RPAP2: variants seen among roughly 807,000 people sequenced by gnomAD.
RPAP2 encodes the protein putative RNA polymerase II subunit B1 CTD phosphatase RPAP2.
Under a neutral mutation model 73.1 loss-of-function variants are expected in RPAP2, and 52 were observed. The ratio of observed to expected loss-of-function variants is 0.71; its 90% CI spans 0.57 to 0.90. The LOEUF is 0.90. Ranked by LOEUF, RPAP2 falls within the 40% of genes least tolerant of loss-of-function variation. The pLI is 0.00. For missense variants in RPAP2, 598 were observed against 701.8 expected (o/e 0.85, Z 1.67); for synonymous variants, 225 against 242.1 (o/e 0.93, Z 0.65).
chr1:92,317,159 A>G (rs928444360), intron 6 of RPAP2, among the ~76,000 whole-genome samples: 17 of 152,130 alleles, frequency 1.1e-4, no homozygotes, highest in African/African-American at 3.9e-4. Context: ...CTTGTTAGCT[A>G]TGTGATCTTA....
At chr1:92,373,479 G>C (rs988902196) in intron 11 of RPAP2, among the ~76,000 whole-genome samples, 1 of 152,116 alleles carries the variant, frequency 6.6e-6, no homozygotes, top group African/African-American at 2.4e-5. Flanking sequence ...TCATAGATCA[G>C]CCCGTGAATA....
At chr1:92,357,789 C>T (rs1557622468) in intron 11 of RPAP2, among the ~76,000 whole-genome samples, 1 of 152,272 alleles carries the variant, frequency 6.6e-6, no homozygotes, top group African/African-American at 2.4e-5. Context: ...GCCTTGGCCT[C>T]CCAAAGTGTT....
At chr1:92,322,308 G>T (rs956597118) in intron 7 of RPAP2, among the ~76,000 whole-genome samples, 1 of 149,936 alleles carries the variant, frequency 6.7e-6, no homozygotes, top group Non-Finnish European at 1.5e-5. Context: ...AGTTTGGGAG[G>T]CCAAGACAGG....
At chr1:92,373,802 T>TC (rs1372151265) in intron 11 of RPAP2, among the ~76,000 whole-genome samples, 3 of 127,028 alleles carry the variant, frequency 2.4e-5, no homozygotes, top group African/African-American at 8.6e-5. Flanking sequence ...GCACCTGTAA[T>TC]CCCAGCTACT....
chr1:92,382,134 G>A (rs1417455321), intron 12 of RPAP2, among the ~76,000 whole-genome samples: 2 of 152,062 alleles, frequency 1.3e-5, no homozygotes, highest in Admixed American at 6.5e-5. Context: ...ATTCCATGGT[G>A]TATATGTGCC....
intron 11 of RPAP2, among the ~76,000 whole-genome samples, chr1:92,352,421 T>C (rs1383973976): frequency 6.8e-6 from 1 of 146,402 alleles, no homozygotes; most frequent in Non-Finnish European, 1.5e-5. Context: ...TGGAAAGATG[T>C]GAGTAAGGCT....
chr1:92,323,754 A>AT lies in RPAP2; in HGVS notation c.836dup (p.Leu279PhefsTer3). On this transcript the variant is annotated frameshift_variant, in exon 8 of 13. Transcript: ENST00000610020. LOFTEE classifies it high-confidence loss of function. ...TCACTGAGCAGTTAGGCGATTGCAAATTAGATAGTCAGGAGAAAGATGCTA... is the reference window on the plus strand; with the variant it reads ...TCACTGAGCAGTTAGGCGATTGCAAATTTAGATAGTCAGGAGAAAGATGCTA... 6.2e-7 allele frequency: 1 copy of AT among 1,614,176 alleles called. No individual in the cohort carries two copies. The highest frequency in any genetic ancestry group is 1.3e-5 in the African/African-American group (1 of 75,060).
chr1:92,369,978 G>A lies in RPAP2; in HGVS notation c.1689-10746G>A, dbSNP rs542715129. On this transcript the variant is annotated intron_variant, in intron 11 of 12. Coordinates refer to ENST00000610020, the MANE Select transcript of RPAP2 (RefSeq NM_024813.3). ...CGGCTTACTGCAACCCCCACCTCCA[G>A]GGTTCAAGTGATTCTTGTGCCTCAT... Among the ~76,000 whole-genome samples, 4 of 152,262 alleles carry A rather than the reference G, an allele frequency of 2.6e-5. No homozygotes were observed. In the East Asian group the frequency reaches 5.8e-4, roughly 22 times the overall value.
chr1:92,372,545 T>A (rs1447049614), intron 11 of RPAP2, among the ~76,000 whole-genome samples: 1 of 152,188 alleles, frequency 6.6e-6, no homozygotes, highest in Non-Finnish European at 1.5e-5. Flanking sequence ...TTTGAAATAT[T>A]CTGGCAGGAA....
At chr1:92,301,338 T>C (rs1195823068) in intron 2 of RPAP2, 138 bp from the exon 3 acceptor site, 2 of 358,836 alleles carry the variant, frequency 5.6e-6, no homozygotes, top group East Asian at 5.0e-5. Context: ...AAGAAATAAA[T>C]ATTTTTATTC....
chr1:92,372,939 A>G (rs765023637), intron 11 of RPAP2, among the ~76,000 whole-genome samples: 2 of 152,210 alleles, frequency 1.3e-5, no homozygotes, highest in Admixed American at 6.5e-5. Flanking sequence ...GAGGAGGAAA[A>G]TTTTGTGAAA....
In RPAP2 at chr1:92,397,231, A is replaced by AT. The variant is rs1656203986; in HGVS notation, c.*10221dup. The AT allele has an allele frequency of 6.6e-6, 1 of 152,116 alleles. No homozygotes were observed. The highest frequency in any genetic ancestry group is 1.5e-5 in the Non-Finnish European group (1 of 68,046). The allele number at this position is 152,116 out of a possible 1,614,324, so 9.4% of individuals were successfully genotyped here. A position where few individuals can be genotyped will look rare whatever the true frequency, so the allele number is the denominator to read the frequency against. On this transcript the variant is annotated 3_prime_UTR_variant, in exon 13 of 13. Transcript: ENST00000610020. ...TAGCAAAACCCTGTCTCCACCAAAA[A>AT]TAAAAAAAATTAGCCAGGCATGGCG... is the stretch of plus-strand genomic sequence containing the variant.
At chr1:92,341,561 C>T (rs1160200074) in intron 10 of RPAP2, among the ~76,000 whole-genome samples, 2 of 152,144 alleles carry the variant, frequency 1.3e-5, no homozygotes, top group African/African-American at 2.4e-5. Flanking sequence ...ATACAGCAGA[C>T]ACTCTAAATA....
chr1:92,386,058 G>A (rs748963176), intron 12 of RPAP2, among the ~76,000 whole-genome samples: 3 of 152,224 alleles, frequency 2.0e-5, no homozygotes, highest in Admixed American at 6.5e-5. Context: ...CCTTTCTAGA[G>A]TGCACCTCAC....
chr1:92,361,434 T>C (rs902739054), intron 11 of RPAP2, among the ~76,000 whole-genome samples: 4 of 152,176 alleles, frequency 2.6e-5, no homozygotes, highest in African/African-American at 9.6e-5. Flanking sequence ...CTTGGATAAA[T>C]TATTGTTGAT....
At chr1:92,326,568 A>G (rs942921197) in intron 8 of RPAP2, among the ~76,000 whole-genome samples, 2 of 152,100 alleles carry the variant, frequency 1.3e-5, no homozygotes, top group African/African-American at 4.8e-5. Flanking sequence ...GTGGGTAGGG[A>G]AGGACCGTCA....
chr1:92,354,427 C>G (rs1188719058), intron 11 of RPAP2, among the ~76,000 whole-genome samples: 1 of 152,188 alleles, frequency 6.6e-6, no homozygotes, highest in African/African-American at 2.4e-5. Flanking sequence ...AGATCTGTCA[C>G]AAACAGGAAT....
At chr1:92,369,346 C>T (rs925428819) in intron 11 of RPAP2, among the ~76,000 whole-genome samples, 1 of 152,132 alleles carries the variant, frequency 6.6e-6, no homozygotes, top group Admixed American at 6.5e-5. Context: ...GGTTGGAGTA[C>T]AGTGACATGA....
intron 11 of RPAP2, among the ~76,000 whole-genome samples, chr1:92,364,430 A>G (rs1654852408): frequency 6.6e-6 from 1 of 152,156 alleles, no homozygotes; most frequent in Non-Finnish European, 1.5e-5. Flanking sequence ...CTCATCAAAT[A>G]ATTCTTGTGT....
Sources: allele counts gnomAD v4.1 joint callset (sites outside exome capture counted in the v4.1 genomes callset), GRCh38; gene constraint gnomAD v4.1.1; transcripts MANE v1.5; gene names NCBI Gene and HGNC (gene_info 2026-07-23, HGNC 2026-07-21).